LARGE1: variants seen among roughly 807,000 people sequenced by gnomAD.
LARGE1 encodes xylosyl- and glucuronyltransferase LARGE1.
Under a neutral mutation model 87.6 loss-of-function variants are expected in LARGE1, and 43 were observed. The ratio of observed to expected loss-of-function variants is 0.49; its 90% CI spans 0.38 to 0.63. LARGE1 has a LOEUF of 0.63. Ranked by LOEUF, LARGE1 falls within the 30% of genes least tolerant of loss-of-function variation. LARGE1 has a pLI of 0.00. For missense variants in LARGE1, 802 were observed against 1,000.2 expected, an observed-to-expected ratio of 0.80 and a Z score of 2.67; for synonymous variants, 434 against 394.6, an observed-to-expected ratio of 1.10 and a Z score of -1.18.
At chr22:33,868,231 T>A (rs2064165945) in intron 1 of LARGE1, among the ~76,000 whole-genome samples, 1 of 152,148 alleles carries the variant, frequency 6.6e-6, no homozygotes, top group South Asian at 2.1e-4. Flanking sequence ...CTGTAATCCA[T>A]GGGACTGAGA....
intron 2 of LARGE1, among the ~76,000 whole-genome samples, chr22:33,735,253 T>C (rs8136512): frequency 0.037 from 5,591 of 152,276 alleles, 342 homozygotes; most frequent in African/African-American, 0.13. Flanking sequence ...TTGCTGCACC[T>C]AGGGACTCGA....
At chr22:33,336,870 G>C (rs1938511785) in intron 10 of LARGE1, among the ~76,000 whole-genome samples, 1 of 152,016 alleles carries the variant, frequency 6.6e-6, no homozygotes, top group Non-Finnish European at 1.5e-5. Context: ...GACCATCCTG[G>C]CTAACACGGT....
intron 6 of LARGE1, among the ~76,000 whole-genome samples, chr22:33,497,881 ATT>A (rs2070222532): frequency 6.6e-6 from 1 of 151,874 alleles, no homozygotes; most frequent in African/African-American, 2.4e-5. Context: ...TCATTTATTT[ATT>A]TGTTTGTTTG....
At chr22:33,311,961 C>T (rs1429012815) in intron 11 of LARGE1, among the ~76,000 whole-genome samples, 1 of 152,088 alleles carries the variant, frequency 6.6e-6, no homozygotes, top group Admixed American at 6.6e-5. Context: ...GGGATTTGAA[C>T]CCGGAGCTCT....
intron 6 of LARGE1, among the ~76,000 whole-genome samples, chr22:33,558,265 T>C (rs1398666271): frequency 2.6e-5 from 4 of 152,154 alleles, no homozygotes; most frequent in Admixed American, 1.3e-4. Context: ...AGGTCTTCTT[T>C]GATTCCTTTC....
chr22:33,545,450 A>ACACACAC (rs1569256476), intron 6 of LARGE1, among the ~76,000 whole-genome samples: 3 of 132,790 alleles, frequency 2.3e-5, no homozygotes, highest in South Asian at 2.4e-4. Flanking sequence ...ACACACACAC[A>ACACACAC]ATTTCTTCTG....
chr22:33,404,799 G>A (rs931164619), intron 7 of LARGE1, among the ~76,000 whole-genome samples: 2 of 152,334 alleles, frequency 1.3e-5, no homozygotes, highest in Non-Finnish European at 1.5e-5. Flanking sequence ...TAAGGGGGAA[G>A]GGGGTTGGAG....
intron 11 of LARGE1, among the ~76,000 whole-genome samples, chr22:33,225,029 C>T (rs1454934375): frequency 6.6e-6 from 1 of 152,246 alleles, no homozygotes; most frequent in Admixed American, 6.5e-5. Context: ...CTATACTCCA[C>T]ATTTTCTGGA....
At chr22:33,883,360 C>G (rs528680413) in intron 1 of LARGE1, among the ~76,000 whole-genome samples, 11 of 152,296 alleles carry the variant, frequency 7.2e-5, no homozygotes, top group Admixed American at 5.2e-4. Context: ...ATGTAAGCAG[C>G]AGAGACTCAG....
chr22:33,091,683 G>A, the LARGE1 span, among the ~76,000 whole-genome samples: 3 of 152,192 alleles, frequency 2.0e-5, no homozygotes, highest in African/African-American at 4.8e-5. Flanking sequence ...AGACATGGAC[G>A]GAAATCCCAG....
At chr22:33,218,940 G>A (rs1925334562) in intron 11 of LARGE1, among the ~76,000 whole-genome samples, 1 of 152,208 alleles carries the variant, frequency 6.6e-6, no homozygotes, top group African/African-American at 2.4e-5. Context: ...AGTGATGTGT[G>A]TCCATTCCAA....
intron 3 of LARGE1, among the ~76,000 whole-genome samples, chr22:33,647,015 C>G (rs893884849): frequency 6.6e-6 from 1 of 152,192 alleles, no homozygotes; most frequent in Non-Finnish European, 1.5e-5. Flanking sequence ...AGGCGTGAGC[C>G]ACTGTGTCCA....
chr22:33,799,187 A>T (rs1301809116), intron 1 of LARGE1, among the ~76,000 whole-genome samples: 1 of 152,100 alleles, frequency 6.6e-6, no homozygotes, highest in Non-Finnish European at 1.5e-5. Flanking sequence ...GTGGTGGAGT[A>T]TCACGCCAAA....
At chr22:33,421,359 T>C (rs532184897) in intron 7 of LARGE1, among the ~76,000 whole-genome samples, 2 of 152,282 alleles carry the variant, frequency 1.3e-5, no homozygotes, top group African/African-American at 4.8e-5. Flanking sequence ...ATATGAATTC[T>C]TTTTATCCTG....
intron 6 of LARGE1, among the ~76,000 whole-genome samples, chr22:33,550,895 A>T (rs150403310): frequency 1.3e-5 from 2 of 152,328 alleles, no homozygotes; most frequent in African/African-American, 4.8e-5. Flanking sequence ...ATGTCTTCTG[A>T]AACAACATGG....
At chr22:33,328,961 G>GT in intron 10 of LARGE1, among the ~76,000 whole-genome samples, 1 of 152,206 alleles carries the variant, frequency 6.6e-6, no homozygotes, top group Non-Finnish European at 1.5e-5. Context: ...GAAGATTAAA[G>GT]TTGTATTTCC....
At chr22:33,086,648 G>A in the LARGE1 span, among the ~76,000 whole-genome samples, 2 of 150,790 alleles carry the variant, frequency 1.3e-5, no homozygotes, top group Non-Finnish European at 2.9e-5. Flanking sequence ...TGCCTCCCGG[G>A]TTCAAGCTAT....
At chr22:33,910,663 G>A (rs932004037) in intron 1 of LARGE1, among the ~76,000 whole-genome samples, 1 of 152,116 alleles carries the variant, frequency 6.6e-6, no homozygotes, top group Non-Finnish European at 1.5e-5. Flanking sequence ...CTTGATCAAC[G>A]TTGGCTGAGC....
chr22:33,107,613 C>A, the LARGE1 span, among the ~76,000 whole-genome samples: 2 of 152,124 alleles, frequency 1.3e-5, no homozygotes, highest in African/African-American at 4.8e-5. Context: ...GCCTGTAATC[C>A]CAGCACTTTA....
Sources: allele counts gnomAD v4.1 joint callset (sites outside exome capture counted in the v4.1 genomes callset), GRCh38; gene constraint gnomAD v4.1.1; transcripts MANE v1.5; gene names NCBI Gene and HGNC (gene_info 2026-07-23, HGNC 2026-07-21).